TENM4: variants seen among roughly 807,000 people sequenced by gnomAD.
TENM4 encodes teneurin-4.
In TENM4, 82 loss-of-function variants were observed where a neutral mutation model predicts 243.3. The observed-to-expected ratio is 0.34, with a 90% CI of 0.28 to 0.40. TENM4 has a LOEUF of 0.40. TENM4 is among the 10% of genes least tolerant of loss of function. The pLI is 1.00. For missense variants in TENM4, 3,138 were observed against 3,673.3 expected, an observed-to-expected ratio of 0.85 and a Z score of 3.77; for synonymous variants, 1,412 against 1,456.3, an observed-to-expected ratio of 0.97 and a Z score of 0.69.
intron 1 of TENM4, among the ~76,000 whole-genome samples, chr11:79,361,481 C>T (rs1174621291): frequency 6.6e-6 from 1 of 152,212 alleles, no homozygotes; most frequent in East Asian, 1.9e-4. Context: ...TGTATCTTCT[C>T]TTCACCCCTT....
At position 79,357,951 on chromosome 11, in the gene TENM4, C is replaced by T. The variant is rs145209224; in HGVS notation, c.-320-60408G>A. 1.1e-3 allele frequency among the ~76,000 whole-genome samples: 171 copies of T among 152,276 alleles called. 1 individual carries two copies. Among genetic ancestry groups the T allele is most frequent in the African/African-American group, 3.9e-3 (160 of 41,556 alleles). On this transcript the variant is annotated intron_variant, in intron 1 of 33. Transcript: ENST00000278550. The stretch of plus-strand genomic sequence containing the variant: ...AAAACAGCTCAAGTGTATCACTATG[C>T]ATTAGGCTAACTGAGAGATGGAAAT...
chr11:78,778,515 C>G, intron 17 of TENM4, 87 bp downstream of exon 17: 1 of 1,368,052 alleles, frequency 7.3e-7, no homozygotes, highest in Non-Finnish European at 1.0e-6. Flanking sequence ...GGTGTATATA[C>G]ATTTTTATAT....
At chr11:78,699,192 C>T (rs995091283) in intron 28 of TENM4, among the ~76,000 whole-genome samples, 2 of 152,212 alleles carry the variant, frequency 1.3e-5, no homozygotes, top group Non-Finnish European at 2.9e-5. Context: ...TATAATCAAT[C>T]AGACACTGAG....
intron 2 of TENM4, among the ~76,000 whole-genome samples, chr11:79,247,349 G>A (rs1258024869): frequency 4.0e-5 from 6 of 150,806 alleles, no homozygotes; most frequent in African/African-American, 7.3e-5. Context: ...TCTGGGAGGC[G>A]GAAGTTGCAG....
chr11:79,397,830 A>G (rs1858377172), intron 1 of TENM4, among the ~76,000 whole-genome samples: 1 of 152,090 alleles, frequency 6.6e-6, no homozygotes, highest in African/African-American at 2.4e-5. Context: ...GGGGCTTGTG[A>G]GCAATCAGCA....
intron 27 of TENM4, among the ~76,000 whole-genome samples, chr11:78,704,374 C>T (rs1026427334): frequency 2.6e-5 from 4 of 151,656 alleles, no homozygotes; most frequent in African/African-American, 9.7e-5. Flanking sequence ...TGTATACCAT[C>T]GTCTATAAGA....
intron 2 of TENM4, among the ~76,000 whole-genome samples, chr11:79,261,188 T>C (rs1476806608): frequency 2.6e-5 from 4 of 152,176 alleles, no homozygotes; most frequent in African/African-American, 7.2e-5. Context: ...GAAAGTTCAC[T>C]GGGAAGTACG....
intron 31 of TENM4, 57 bp from the exon 32 acceptor site, chr11:78,670,608 T>C (rs986896646): frequency 6.0e-6 from 9 of 1,497,456 alleles, no homozygotes; most frequent in Non-Finnish European, 8.1e-6. Flanking sequence ...AAAGGGTAGG[T>C]CTACATACCC....
chr11:79,103,793 C>A (rs1349509505), intron 4 of TENM4, among the ~76,000 whole-genome samples: 1 of 152,154 alleles, frequency 6.6e-6, no homozygotes, highest in Non-Finnish European at 1.5e-5. Context: ...CTGCAGTGGG[C>A]ACTTGAAGGG....
chr11:79,223,473 C>T (rs982788011), intron 2 of TENM4, among the ~76,000 whole-genome samples: 14 of 152,176 alleles, frequency 9.2e-5, no homozygotes, highest in African/African-American at 3.1e-4. Context: ...ACCTCTGGGC[C>T]TCTGCTCAGA....
Position 79,101,842 on chromosome 11 carries a change from A to G in TENM4, c.-65-31833T>C, listed in dbSNP as rs115761469. Among the ~76,000 whole-genome samples the G allele has an allele frequency of 3.5e-3, 535 of 152,322 alleles. 5 individuals are homozygous for G. The highest frequency in any genetic ancestry group is 0.012 in the African/African-American group (515 of 41,576). On this transcript the variant is annotated intron_variant, in intron 4 of 33. Coordinates refer to ENST00000278550, the MANE Select transcript of TENM4 (RefSeq NM_001098816.3). Reference sequence around the variant, plus strand: ...TAACTTTCAGCCAAGGTTTCCTGGAACAGAATCAAGTTTTCATACCACTCC... The same window carrying G: ...TAACTTTCAGCCAAGGTTTCCTGGAGCAGAATCAAGTTTTCATACCACTCC...
chr11:79,074,123 C>T lies in TENM4; in HGVS notation c.-65-4114G>A, dbSNP rs180989506. On this transcript the variant is annotated intron_variant, in intron 4 of 33. Coordinates refer to ENST00000278550, the MANE Select transcript of TENM4 (RefSeq NM_001098816.3). ...ACAAAGCTGAGGCAGGGAGAACATT[C>T]GCCTGGTTCTCATTTCCTTAAAATT... is the stretch of plus-strand genomic sequence containing the variant. Among the ~76,000 whole-genome samples, 38 of 152,320 alleles carry T rather than the reference C, an allele frequency of 2.5e-4. 1 individual carries two copies. In the East Asian group the frequency reaches 6.6e-3, roughly 26 times the overall value.
intron 6 of TENM4, among the ~76,000 whole-genome samples, chr11:78,954,235 G>C (rs1464573619): frequency 6.6e-6 from 1 of 152,214 alleles, no homozygotes; most frequent in Non-Finnish European, 1.5e-5. Context: ...GGTGGGAACA[G>C]ATGGCTCCCA....
intron 18 of TENM4, among the ~76,000 whole-genome samples, chr11:78,763,043 T>C (rs1004317415): frequency 3.3e-5 from 5 of 152,194 alleles, no homozygotes; most frequent in Non-Finnish European, 5.9e-5. Context: ...CATACGTAAG[T>C]TGGTTGACTT....
intron 2 of TENM4, among the ~76,000 whole-genome samples, chr11:79,237,664 G>A (rs760133952): frequency 2.6e-5 from 4 of 152,158 alleles, no homozygotes; most frequent in Non-Finnish European, 4.4e-5. Context: ...GCAACAGAGC[G>A]AGACTCCGTC....
intron 9 of TENM4, among the ~76,000 whole-genome samples, chr11:78,864,723 C>T (rs1353725830): frequency 1.3e-5 from 2 of 152,150 alleles, no homozygotes; most frequent in African/African-American, 2.4e-5. Flanking sequence ...TGGAAGTAAG[C>T]GCTCAAGTCC....
At position 78,672,128 on chromosome 11, in the gene TENM4, T is replaced by C; in HGVS notation, c.5698A>G (p.Ile1900Val). ...GGYIAGIQRG[I>V]MSERMEYDQA... ...TCGTATTCCATTCTTTCAGACATGATGCCCCTCTGGATGCCAGCAATGTAA... is the reference window on the plus strand; with the variant it reads ...TCGTATTCCATTCTTTCAGACATGACGCCCCTCTGGATGCCAGCAATGTAA... Residue 1900 changes from isoleucine (I) to valine (V), a missense_variant, in exon 31 of 34, where the codon ATC becomes GTC. Physicochemically the swap from Ile to Val is conservative, Grantham distance 29. Coordinates refer to ENST00000278550, the MANE Select transcript of TENM4 (RefSeq NM_001098816.3). The C allele has an allele frequency of 6.2e-7, 1 of 1,614,022 alleles. No homozygotes were observed. Among genetic ancestry groups the C allele is most frequent in the African/African-American group, 1.3e-5 (1 of 75,058 alleles).
chr11:79,100,328 A>C lies in TENM4; in HGVS notation c.-65-30319T>G, dbSNP rs545745031. On this transcript the variant is annotated intron_variant, in intron 4 of 33. Transcript: ENST00000278550. ...GGGTAACTACAGGTGTGAGTACCCA[A>C]AGCTCCAGCCTCTTCCGTGCCCAGT... Among the ~76,000 whole-genome samples, 478 of 152,164 alleles carry C rather than the reference A, an allele frequency of 3.1e-3. 2 individuals carry two copies. The highest frequency in any genetic ancestry group is 5.0e-3 in the Non-Finnish European group (337 of 68,000).
chr11:79,344,993 ATCTT>A (rs1453769841), intron 1 of TENM4, among the ~76,000 whole-genome samples: 1 of 152,054 alleles, frequency 6.6e-6, no homozygotes, highest in African/African-American at 2.4e-5. Context: ...TTTTCAGCCC[ATCTT>A]TCTTCCCCAC....
Sources: allele counts gnomAD v4.1 joint callset (sites outside exome capture counted in the v4.1 genomes callset), GRCh38; gene constraint gnomAD v4.1.1; transcripts MANE v1.5; gene names NCBI Gene and HGNC (gene_info 2026-07-23, HGNC 2026-07-21).